Variants in GBE1 observed in about 807,000 individuals in gnomAD.
The protein encoded by GBE1 is 1,4-alpha-glucan-branching enzyme.
GBE1 carries 70 observed loss-of-function variants against 88.8 expected under a neutral mutation model. The observed-to-expected ratio is 0.79, with a 90% CI of 0.65 to 0.96. GBE1 has a LOEUF of 0.96. Among genes scored for constraint, GBE1 ranks in the 40% least tolerant of loss-of-function variants. The probability of loss-of-function intolerance (pLI) is 0.00; values close to 1 mark genes in which losing one functional copy is unlikely to be tolerated. For synonymous variants in GBE1, 284 were observed against 300.1 expected (o/e 0.95, Z 0.56); for missense variants, 872 against 871.0 (o/e 1.00, Z -0.01).
At chr3:81,624,126 G>C (rs1206511046) in intron 7 of GBE1, among the ~76,000 whole-genome samples, 2 of 152,154 alleles carry the variant, frequency 1.3e-5, no homozygotes, top group Admixed American at 6.5e-5. Context: ...CATGGCAGAA[G>C]GCAAAGAGGA....
intron 7 of GBE1, among the ~76,000 whole-genome samples, chr3:81,622,623 T>C (rs1038012849): frequency 5.9e-5 from 9 of 152,200 alleles, no homozygotes; most frequent in Admixed American, 3.9e-4. Context: ...TCCACTTACA[T>C]AGCAAACATG....
At chr3:81,491,364 G>A (rs547453881) in intron 15 of GBE1, among the ~76,000 whole-genome samples, 2 of 152,198 alleles carry the variant, frequency 1.3e-5, no homozygotes, top group African/African-American at 4.8e-5. Context: ...CTTTACAAAG[G>A]CAAAAGTCAT....
rs555501779 is a variant in GBE1 at position 81,572,738 on chromosome 3, G to A, written c.1618+5187C>T. On this transcript the variant is annotated intron_variant, in intron 12 of 15. Transcript: ENST00000429644. ...CTTGTTTTTTATAATTCTATGTAGC[G>A]TTTAATAAGAAAATCCTTTAATGCC... Among the ~76,000 whole-genome samples the A allele has an allele frequency of 1.1e-4, 16 of 152,030 alleles. No homozygotes were observed. In the South Asian group the frequency reaches 1.7e-3, roughly 16 times the overall value.
chr3:81,544,528 A>C (rs780912860), intron 12 of GBE1, among the ~76,000 whole-genome samples: 6 of 152,188 alleles, frequency 3.9e-5, no homozygotes, highest in Admixed American at 6.5e-5. Flanking sequence ...TCAATATAGT[A>C]ACAGAACTGG....
intron 12 of GBE1, among the ~76,000 whole-genome samples, chr3:81,537,833 T>C (rs1703097231): frequency 6.6e-6 from 1 of 152,000 alleles, no homozygotes. Context: ...TGTGTTTAGC[T>C]GAGACCCCTG....
intron 3 of GBE1, among the ~76,000 whole-genome samples, chr3:81,656,508 G>C (rs1389409763): frequency 6.6e-6 from 1 of 152,120 alleles, no homozygotes; most frequent in Non-Finnish European, 1.5e-5. Context: ...AAAGCTATGA[G>C]AGAATACATT....
chr3:81,649,009 A>G lies in GBE1; in HGVS notation c.556-18T>C. Reference sequence around the variant, plus strand: ...TGCTTAAACTACAGAATATAAAATTATGTATAGAGTTAAGCCAGGAATTCT... The same window carrying G: ...TGCTTAAACTACAGAATATAAAATTGTGTATAGAGTTAAGCCAGGAATTCT... On this transcript the variant is annotated intron_variant, in intron 4 of 15. Transcript: ENST00000429644. The G allele has an allele frequency of 6.5e-7, 1 of 1,529,098 alleles. No individual in the cohort carries two copies. Among genetic ancestry groups the G allele is most frequent in the Non-Finnish European group, 8.9e-7 (1 of 1,127,678 alleles). 94.7% of individuals were successfully genotyped at this position (1,529,098 alleles called of 1,614,324 possible).
At chr3:81,564,723 T>A (rs1032878075) in intron 12 of GBE1, among the ~76,000 whole-genome samples, 1 of 152,038 alleles carries the variant, frequency 6.6e-6, no homozygotes, top group Non-Finnish European at 1.5e-5. Context: ...GTTTTTCCAG[T>A]AGTGGGCATT....
At chr3:81,685,250 C>T (rs1443543986) in intron 2 of GBE1, among the ~76,000 whole-genome samples, 1 of 152,140 alleles carries the variant, frequency 6.6e-6, no homozygotes, top group Non-Finnish European at 1.5e-5. Flanking sequence ...CACTCTCAAA[C>T]CTATGCACTG....
chr3:81,636,013 GA>G (rs1015004179), intron 7 of GBE1, among the ~76,000 whole-genome samples: 3 of 152,180 alleles, frequency 2.0e-5, no homozygotes, highest in Admixed American at 2.0e-4. Context: ...ATAATACCAG[GA>G]ACAAAGTTTA....
At chr3:81,569,859 G>T (rs1255895854) in intron 12 of GBE1, among the ~76,000 whole-genome samples, 1 of 151,892 alleles carries the variant, frequency 6.6e-6, no homozygotes, top group Non-Finnish European at 1.5e-5. Context: ...TTGTTGCCCA[G>T]GCCGGAGTGT....
intron 2 of GBE1, among the ~76,000 whole-genome samples, chr3:81,680,905 C>A (rs1466344588): frequency 1.3e-5 from 2 of 152,248 alleles, no homozygotes; most frequent in African/African-American, 4.8e-5. Flanking sequence ...GCACCCTGAT[C>A]GCAGGCTTCC....
At chr3:81,750,661 ATATATATATATACG>A (rs1559708931) in intron 1 of GBE1, among the ~76,000 whole-genome samples, 4 of 77,818 alleles carry the variant, frequency 5.1e-5, no homozygotes, top group African/African-American at 2.6e-4. Context: ...ATATATATGT[ATATATATATATACG>A]TATATATATA....
At chr3:81,729,384 C>CA (rs1167891512) in intron 1 of GBE1, among the ~76,000 whole-genome samples, 1 of 152,158 alleles carries the variant, frequency 6.6e-6, no homozygotes, top group African/African-American at 2.4e-5. Flanking sequence ...AGTATGCCTG[C>CA]ATAAGCTAGG....
intron 14 of GBE1, among the ~76,000 whole-genome samples, chr3:81,520,861 T>A (rs1702864102): frequency 6.6e-6 from 1 of 151,544 alleles, no homozygotes; most frequent in Non-Finnish European, 1.5e-5. Context: ...GTTTCTTGAT[T>A]TTTTTCCTAG....
intron 14 of GBE1, among the ~76,000 whole-genome samples, chr3:81,513,566 C>T (rs368725223): frequency 4.1e-4 from 61 of 149,884 alleles, no homozygotes; most frequent in African/African-American, 1.4e-3. Flanking sequence ...GTTTTGTTCC[C>T]CCAAAAAAAA....
intron 12 of GBE1, among the ~76,000 whole-genome samples, chr3:81,571,186 T>C (rs1703569173): frequency 6.6e-6 from 1 of 152,198 alleles, no homozygotes; most frequent in African/African-American, 2.4e-5. Context: ...CACACACAGC[T>C]CCTCATATAC....
intron 1 of GBE1, among the ~76,000 whole-genome samples, chr3:81,709,716 T>C (rs1705829663): frequency 6.6e-6 from 1 of 152,202 alleles, no homozygotes; most frequent in Non-Finnish European, 1.5e-5. Flanking sequence ...TAGCATTATA[T>C]TACTTTAACT....
intron 5 of GBE1, 66 bp downstream of exon 5, chr3:81,648,790 G>T: frequency 1.1e-6 from 1 of 936,750 alleles, no homozygotes; most frequent in Non-Finnish European, 1.5e-6. Flanking sequence ...CTTGTAATTA[G>T]CTTTTCTAAT....
Sources: gnomAD v4.1 joint callset for allele counts (sites outside exome capture counted in the v4.1 genomes callset) on GRCh38, gnomAD v4.1.1 for gene constraint, MANE v1.5 for transcripts, NCBI Gene and HGNC (gene_info 2026-07-23, HGNC 2026-07-21) for gene names.